Variants in ZBTB7C observed in about 807,000 individuals in gnomAD.
ZBTB7C encodes zinc finger and BTB domain-containing protein 7C.
ZBTB7C carries 8 observed loss-of-function variants against 25.7 expected under a neutral mutation model. That is an observed-to-expected ratio of 0.31 (90% CI 0.18 to 0.56). The LOEUF is 0.56. ZBTB7C is among the 20% of genes least tolerant of loss of function. The pLI, the probability that ZBTB7C is intolerant of heterozygous loss-of-function variation, is 0.91. For synonymous variants in ZBTB7C, 394 were observed against 369.0 expected (o/e 1.07, Z -0.78); for missense variants, 824 against 855.2 (o/e 0.96, Z 0.46).
At chr18:48,102,564 C>CAAAAAAAAAAAAAAAAA in intron 3 of ZBTB7C, among the ~76,000 whole-genome samples, 1 of 95,624 alleles carries the variant, frequency 1.0e-5, no homozygotes, top group Non-Finnish European at 2.0e-5. Context: ...GATCCTCCCT[C>CAAAAAAAAAAAAAAAAA]AAAAAAAAAA....
At chr18:48,120,417 G>C (rs1435115506) in intron 3 of ZBTB7C, among the ~76,000 whole-genome samples, 2 of 152,094 alleles carry the variant, frequency 1.3e-5, no homozygotes, top group African/African-American at 4.8e-5. Context: ...CTTGAGGTCA[G>C]GAGTTCAAGA....
chr18:48,381,976 A>G (rs1403387967), intron 1 of ZBTB7C, among the ~76,000 whole-genome samples: 1 of 152,232 alleles, frequency 6.6e-6, no homozygotes, highest in Non-Finnish European at 1.5e-5. Flanking sequence ...TATTCCCTCC[A>G]TAGGAATGAA....
chr18:48,317,809 A>C (rs558268391), intron 2 of ZBTB7C, among the ~76,000 whole-genome samples: 95 of 152,328 alleles, frequency 6.2e-4, no homozygotes, highest in African/African-American at 2.2e-3. Context: ...GCTTTGAAAC[A>C]TACAGATCCC....
intron 3 of ZBTB7C, among the ~76,000 whole-genome samples, chr18:48,139,889 C>G (rs1230533054): frequency 6.6e-6 from 1 of 152,128 alleles, no homozygotes; most frequent in Non-Finnish European, 1.5e-5. Context: ...CCTTCCTAGG[C>G]CCTCTTTGGC....
At chr18:48,074,017 T>TC (rs1474780255) in intron 3 of ZBTB7C, among the ~76,000 whole-genome samples, 2 of 150,640 alleles carry the variant, frequency 1.3e-5, no homozygotes, top group Non-Finnish European at 3.0e-5. Context: ...AAAATTTCTT[T>TC]TTTTTTTTTT....
intron 3 of ZBTB7C, among the ~76,000 whole-genome samples, chr18:48,163,265 C>A (rs764890642): frequency 3.3e-5 from 5 of 152,212 alleles, no homozygotes; most frequent in Admixed American, 6.5e-5. Context: ...TGGGCATGAG[C>A]ATGGCCCTGG....
intron 3 of ZBTB7C, among the ~76,000 whole-genome samples, chr18:48,109,881 C>T (rs575238803): frequency 6.6e-6 from 1 of 152,176 alleles, no homozygotes; most frequent in Non-Finnish European, 1.5e-5. Flanking sequence ...ACCCTCCCCC[C>T]AAACACTTCT....
chr18:48,372,857 A>G (rs2047420527), intron 1 of ZBTB7C, among the ~76,000 whole-genome samples: 1 of 151,216 alleles, frequency 6.6e-6, no homozygotes, highest in Non-Finnish European at 1.5e-5. Context: ...ACCTCTCCCT[A>G]CTCCCATCTC....
intron 3 of ZBTB7C, among the ~76,000 whole-genome samples, chr18:48,065,159 G>T (rs530522519): frequency 2.0e-5 from 3 of 150,478 alleles, no homozygotes; most frequent in African/African-American, 4.9e-5. Context: ...CGCACACAGC[G>T]CTAGGCCCAG....
chr18:48,168,284 C>A (rs914960409), intron 3 of ZBTB7C, among the ~76,000 whole-genome samples: 3 of 152,230 alleles, frequency 2.0e-5, no homozygotes, highest in Admixed American at 6.5e-5. Flanking sequence ...GGGATCCCTG[C>A]ACCAAAGTTT....
intron 2 of ZBTB7C, among the ~76,000 whole-genome samples, chr18:48,274,033 G>A (rs2044569895): frequency 6.6e-6 from 1 of 152,132 alleles, no homozygotes; most frequent in Non-Finnish European, 1.5e-5. Flanking sequence ...AAAGTTCATA[G>A]CATGTATACT....
At chr18:48,382,158 G>A (rs903700936) in intron 1 of ZBTB7C, among the ~76,000 whole-genome samples, 7 of 152,176 alleles carry the variant, frequency 4.6e-5, no homozygotes, top group Non-Finnish European at 7.3e-5. Flanking sequence ...CAATACTAGT[G>A]GGAAGCCAAT....
In ZBTB7C at chr18:48,029,542, C is replaced by T. The variant is rs373189193; in HGVS notation, c.1578G>A (p.Pro526=). 5.2e-5 allele frequency: 82 copies of T among 1,563,836 alleles called. No individual in the cohort carries two copies. In the African/African-American group the frequency reaches 8.5e-4, roughly 16 times the overall value. The part of the protein sequence containing the change: ...GHLGGAAVCL[P]GPSPAKHFLA... ...GGAAGTGCTTGGCGGGGCTGGGGCC[C>T]GGGAGGCACACAGCTGCGCCGCCCA... The change falls in exon 5 of 5, where the codon CCG becomes CCA. Residue 526 remains proline, a synonymous_variant. Transcript: ENST00000590800.
intron 3 of ZBTB7C, among the ~76,000 whole-genome samples, chr18:48,145,357 A>C (rs1018994205): frequency 4.6e-5 from 7 of 151,996 alleles, no homozygotes; most frequent in African/African-American, 1.7e-4. Flanking sequence ...ACCCTTCAGC[A>C]TGTCTCCTTT....
At chr18:48,209,417 G>A (rs182103363) in intron 2 of ZBTB7C, among the ~76,000 whole-genome samples, 1 of 152,142 alleles carries the variant, frequency 6.6e-6, no homozygotes, top group Non-Finnish European at 1.5e-5. Flanking sequence ...AGTTGTGCTA[G>A]GAAGACACAA....
intron 2 of ZBTB7C, among the ~76,000 whole-genome samples, chr18:48,257,104 A>G (rs2044042790): frequency 6.6e-6 from 1 of 152,034 alleles, no homozygotes. Context: ...CTATAAACTG[A>G]AACCCACTTT....
At chr18:48,175,085 C>T (rs1038672683) in intron 3 of ZBTB7C, among the ~76,000 whole-genome samples, 1 of 151,906 alleles carries the variant, frequency 6.6e-6, no homozygotes, top group African/African-American at 2.4e-5. Context: ...TGTTCATGTC[C>T]TACATATTTT....
chr18:48,270,627 T>C (rs1421022408), intron 2 of ZBTB7C, among the ~76,000 whole-genome samples: 4 of 149,872 alleles, frequency 2.7e-5, no homozygotes, highest in African/African-American at 9.8e-5. Context: ...GAGGCAGAGG[T>C]TGCAGTGAGC....
intron 2 of ZBTB7C, among the ~76,000 whole-genome samples, chr18:48,309,986 T>C (rs1052040456): frequency 1.3e-5 from 2 of 152,076 alleles, no homozygotes; most frequent in Non-Finnish European, 2.9e-5. Flanking sequence ...TCCCAGCACT[T>C]TGGGAGGCTG....
Sources: gnomAD v4.1 joint callset for allele counts (sites outside exome capture counted in the v4.1 genomes callset) on GRCh38, gnomAD v4.1.1 for gene constraint, MANE v1.5 for transcripts, NCBI Gene and HGNC (gene_info 2026-07-23, HGNC 2026-07-21) for gene names.